The following SPTSSB variants were observed in gnomAD, a reference collection of about 807,000 sequenced individuals.
The protein encoded by SPTSSB is serine palmitoyltransferase small subunit B, also known as androgen down regulated in mouse prostate.
Under a neutral mutation model 7.7 loss-of-function variants are expected in SPTSSB, and 6 were observed. The ratio of observed to expected loss-of-function variants is 0.78; its 90% confidence interval spans 0.43 to 1.54. The LOEUF is 1.54. Ranked by LOEUF, SPTSSB falls within the 40% of genes most tolerant of loss-of-function variation. The pLI is 0.01. For synonymous variants in SPTSSB, 28 were observed against 29.7 expected (o/e 0.94, Z 0.19); for missense variants, 91 against 93.0 (o/e 0.98, Z 0.09).
At chr3:161,358,768 T>A (rs1211742346) in intron 2 of SPTSSB, among the ~76,000 whole-genome samples, 1 of 152,226 alleles carries the variant, frequency 6.6e-6, no homozygotes, top group Non-Finnish European at 1.5e-5. Flanking sequence ...GCAACCTCAA[T>A]GGCACCTGTT....
intron 2 of SPTSSB, among the ~76,000 whole-genome samples, chr3:161,349,206 T>C (rs539192522): frequency 6.4e-4 from 98 of 152,262 alleles, no homozygotes; most frequent in African/African-American, 2.3e-3. Context: ...AGCAGCAAAC[T>C]GGACCATATA....
At chr3:161,347,202 A>G (rs897934702) in intron 2 of SPTSSB, among the ~76,000 whole-genome samples, 1 of 152,148 alleles carries the variant, frequency 6.6e-6, no homozygotes, top group Non-Finnish European at 1.5e-5. Flanking sequence ...TTTACAAATG[A>G]GATAATATTG....
At chr3:161,369,209 A>G (rs1715350713) in intron 1 of SPTSSB, among the ~76,000 whole-genome samples, 1 of 151,470 alleles carries the variant, frequency 6.6e-6, no homozygotes, top group African/African-American at 2.4e-5. Flanking sequence ...TGACAGTTCA[A>G]TTTTCTCTAC....
chr3:161,360,942 C>T (rs1245997683), intron 1 of SPTSSB, among the ~76,000 whole-genome samples: 1 of 152,100 alleles, frequency 6.6e-6, no homozygotes, highest in Non-Finnish European at 1.5e-5. Context: ...AATATTCTTA[C>T]ATATCTATAG....
At chr3:161,355,072 C>G (rs1281757502) in intron 2 of SPTSSB, among the ~76,000 whole-genome samples, 3 of 152,176 alleles carry the variant, frequency 2.0e-5, no homozygotes, top group African/African-American at 7.2e-5. Context: ...GCTGTCCTTT[C>G]ACTTCCTAAC....
chr3:161,356,467 T>C (rs969575066), intron 2 of SPTSSB, among the ~76,000 whole-genome samples: 20 of 152,192 alleles, frequency 1.3e-4, no homozygotes, highest in African/African-American at 2.4e-4. Context: ...CAGGAGTACG[T>C]TGTTCTCAGA....
chr3:161,356,918 G>T (rs1576898408), intron 2 of SPTSSB, among the ~76,000 whole-genome samples: 1 of 152,100 alleles, frequency 6.6e-6, no homozygotes, highest in Non-Finnish European at 1.5e-5. Context: ...GGATGTTGAG[G>T]CTGCACTGAG....
intron 2 of SPTSSB, among the ~76,000 whole-genome samples, chr3:161,353,485 G>C (rs555916256): frequency 6.6e-6 from 1 of 152,138 alleles, no homozygotes; most frequent in South Asian, 2.1e-4. Flanking sequence ...TTCACTACTT[G>C]AAAGGTATTG....
Position 161,346,021 on chromosome 3 carries a change from A to G in SPTSSB, c.*72T>C. ...AGGTCAGATAGTGAAGGAAGACACA[A>G]TAGTTACCTAAATCAATAAGCTGTA... On this transcript the variant is annotated 3_prime_UTR_variant, in exon 3 of 3. Coordinates refer to ENST00000620149, the MANE Select transcript of SPTSSB (RefSeq NM_001040100.2). 2.5e-6 allele frequency: 2 copies of G among 785,492 alleles called. No individual in the cohort carries two copies. Among genetic ancestry groups the G allele is most frequent in the Non-Finnish European group, 4.4e-6 (2 of 459,190 alleles). The allele number at this position is 785,492 out of a possible 1,614,324, so 48.7% of individuals were successfully genotyped here.
intron 1 of SPTSSB, among the ~76,000 whole-genome samples, chr3:161,365,478 AGTT>A (rs1340401970): frequency 2.0e-5 from 3 of 152,246 alleles, no homozygotes; most frequent in South Asian, 2.1e-4. Flanking sequence ...CAAATCAGAA[AGTT>A]GTTGTCCTTA....
intron 1 of SPTSSB, among the ~76,000 whole-genome samples, chr3:161,370,494 G>A (rs1715462474): frequency 6.6e-6 from 1 of 152,136 alleles, no homozygotes; most frequent in African/African-American, 2.4e-5. Context: ...TTCAGATGTG[G>A]AAATCAAGTT....
chr3:161,356,389 A>G (rs1714770888), intron 2 of SPTSSB, among the ~76,000 whole-genome samples: 1 of 152,206 alleles, frequency 6.6e-6, no homozygotes, highest in East Asian at 1.9e-4. Context: ...AATCTTCAGC[A>G]ACTGAAGATT....
chr3:161,368,602 A>G (rs1052820922), intron 1 of SPTSSB, among the ~76,000 whole-genome samples: 1 of 151,234 alleles, frequency 6.6e-6, no homozygotes, highest in Admixed American at 6.6e-5. Context: ...AATTTTTTGT[A>G]TTTTTAGTAG....
chr3:161,369,385 C>CT (rs71149710), intron 1 of SPTSSB, among the ~76,000 whole-genome samples: 2,003 of 29,482 alleles, frequency 0.068, 342 homozygotes, highest in Non-Finnish European at 0.072. Context: ...TCTTTCTTTC[C>CT]TTTTTTTTTT....
intron 1 of SPTSSB, among the ~76,000 whole-genome samples, chr3:161,363,392 TAA>T (rs998938542): frequency 2.0e-5 from 3 of 151,926 alleles, no homozygotes; most frequent in African/African-American, 7.2e-5. Context: ...GTAGATCAGA[TAA>T]AGATAGTAGC....
chr3:161,366,098 G>T (rs1715206640), intron 1 of SPTSSB, among the ~76,000 whole-genome samples: 1 of 152,094 alleles, frequency 6.6e-6, no homozygotes, highest in African/African-American at 2.4e-5. Context: ...TATTAACTTT[G>T]GGGAACTAGT....
At chr3:161,369,259 T>G (rs1253248950) in intron 1 of SPTSSB, among the ~76,000 whole-genome samples, 3 of 151,410 alleles carry the variant, frequency 2.0e-5, no homozygotes, top group Non-Finnish European at 4.4e-5. Context: ...TCTTTCTTTC[T>G]TTCTCTTTCT....
At position 161,370,435 on chromosome 3, in the gene SPTSSB, C is replaced by A. The variant is rs1171770601; in HGVS notation, c.-126+1000G>T. Among the ~76,000 whole-genome samples the A allele has an allele frequency of 2.0e-5, 3 of 152,100 alleles. No homozygotes were observed. The East Asian group carries it at 5.8e-4, about 29-fold the overall frequency. ...TTATCTATGTACAAAGCCTTCACAG[C>A]CCTTGAGAAAGTCACCGAAATGACC... is the stretch of plus-strand genomic sequence containing the variant. On this transcript the variant is annotated intron_variant, in intron 1 of 2. Coordinates refer to ENST00000620149, the MANE Select transcript of SPTSSB (RefSeq NM_001040100.2).
At chr3:161,364,401 A>G (rs1202658445) in intron 1 of SPTSSB, among the ~76,000 whole-genome samples, 1 of 152,176 alleles carries the variant, frequency 6.6e-6, no homozygotes. Flanking sequence ...TCCTATGAGG[A>G]TCCCTTTGGT....
Sources: gnomAD v4.1 joint callset for allele counts (sites outside exome capture counted in the v4.1 genomes callset) on GRCh38, gnomAD v4.1.1 for gene constraint, MANE v1.5 for transcripts, NCBI Gene and HGNC (gene_info 2026-07-23, HGNC 2026-07-21) for gene names.